Variants in TMEM178B observed in about 807,000 individuals in gnomAD.
TMEM178B encodes the protein transmembrane protein 178B.
Under a neutral mutation model 31.0 loss-of-function variants are expected in TMEM178B, and 5 were observed. The observed-to-expected ratio is 0.16, with a 90% confidence interval of 0.08 to 0.34. TMEM178B has a LOEUF of 0.34. Ranked by LOEUF, TMEM178B falls within the 10% of genes least tolerant of loss-of-function variation. TMEM178B has a pLI of 1.00. For missense variants in TMEM178B, 275 were observed against 400.3 expected (o/e 0.69, Z 2.67); for synonymous variants, 164 against 164.0 (o/e 1.00, Z 0.00).
intron 1 of TMEM178B, among the ~76,000 whole-genome samples, chr7:141,097,793 CTTT>C (rs552569756): frequency 6.4e-5 from 8 of 125,928 alleles, no homozygotes; most frequent in Non-Finnish European, 8.1e-5. Context: ...TTCTTTCTTT[CTTT>C]TTTTTTTTTT....
intron 1 of TMEM178B, among the ~76,000 whole-genome samples, chr7:141,112,517 G>A (rs370611962): frequency 9.2e-5 from 14 of 152,326 alleles, no homozygotes; most frequent in African/African-American, 3.4e-4. Context: ...GCTTCCCAAA[G>A]TTCTGAGATA....
At chr7:141,136,934 C>T (rs1044294014) in intron 1 of TMEM178B, among the ~76,000 whole-genome samples, 1 of 152,088 alleles carries the variant, frequency 6.6e-6, no homozygotes, top group African/African-American at 2.4e-5. Flanking sequence ...AATAAATGGT[C>T]AACAGGTATA....
In TMEM178B at chr7:141,212,479, A is replaced by G. The variant is rs116277142; in HGVS notation, c.383-112A>G. 3,103 of 810,226 alleles carry G rather than the reference A, an allele frequency of 3.8e-3. 66 individuals are homozygous for G. The African/African-American group carries it at 0.047, about 12-fold the overall frequency. The allele number at this position is 810,226 out of a possible 1,614,324, so 50.2% of individuals were successfully genotyped here. A position where few individuals can be genotyped will look rare whatever the true frequency, so the allele number is the denominator to read the frequency against. On this transcript the variant is annotated intron_variant, in intron 1 of 3. Transcript: ENST00000565468. ...GTATTGTCTTTCTGTAGTTGTCACCAGGCCCAATATGAAAGAAGTCTTCTT... is the reference window on the plus strand; with the variant it reads ...GTATTGTCTTTCTGTAGTTGTCACCGGGCCCAATATGAAAGAAGTCTTCTT...
At chr7:141,431,473 G>A (rs77057096) in intron 2 of TMEM178B, among the ~76,000 whole-genome samples, 12,709 of 152,002 alleles carry the variant, frequency 0.084, 799 homozygotes, top group East Asian at 0.15. Flanking sequence ...ACCTCCCTCT[G>A]CCCACTCCTT....
rs574399381 is a variant in TMEM178B, at chr7:141,278,090, A to C, written c.496+65386A>C. Reference sequence around the variant, plus strand: ...TTAAAATACCAATGAAGAAATTCAGAATTGGGAATATCTAAGAATTTTAGA... The same window carrying C: ...TTAAAATACCAATGAAGAAATTCAGCATTGGGAATATCTAAGAATTTTAGA... On this transcript the variant is annotated intron_variant, in intron 2 of 3. Transcript: ENST00000565468. Among the ~76,000 whole-genome samples, 15 of 152,346 alleles carry C rather than the reference A, an allele frequency of 9.8e-5. No homozygotes were observed. In the South Asian group the frequency reaches 2.9e-3, roughly 29 times the overall value.
chr7:141,317,557 G>C (rs1799028250), intron 2 of TMEM178B, among the ~76,000 whole-genome samples: 1 of 152,138 alleles, frequency 6.6e-6, no homozygotes, highest in African/African-American at 2.4e-5. Flanking sequence ...GACACTAGGA[G>C]GACTTTTAAG....
chr7:141,302,208 G>A (rs1306172160), intron 2 of TMEM178B, among the ~76,000 whole-genome samples: 1 of 152,144 alleles, frequency 6.6e-6, no homozygotes, highest in African/African-American at 2.4e-5. Flanking sequence ...TCAGATGAAC[G>A]GATAAAACAA....
intron 2 of TMEM178B, among the ~76,000 whole-genome samples, chr7:141,375,318 ATCATTTCAGGG>A (rs1450224156): frequency 6.6e-6 from 1 of 152,218 alleles, no homozygotes; most frequent in Non-Finnish European, 1.5e-5. Flanking sequence ...TACTGTCCCC[ATCATTTCAGGG>A]TCATTGTGAT....
Position 141,226,034 on chromosome 7 carries a change from C to T in TMEM178B, c.496+13330C>T, listed in dbSNP as rs575223619. On this transcript the variant is annotated intron_variant, in intron 2 of 3. Coordinates refer to ENST00000565468, the MANE Select transcript of TMEM178B (RefSeq NM_001195278.2). ...GTGTGGTGTGTGTCAGCTTCCGAAA[C>T]CACGAGGCTGCTAAACATGGGTGTG... is the stretch of plus-strand genomic sequence containing the variant. Among the ~76,000 whole-genome samples the T allele has an allele frequency of 2.0e-5, 3 of 152,262 alleles. No individual in the cohort carries two copies. In the East Asian group the frequency reaches 5.8e-4, roughly 29 times the overall value.
chr7:141,167,638 A>G (rs1038352053), intron 1 of TMEM178B, among the ~76,000 whole-genome samples: 1 of 152,154 alleles, frequency 6.6e-6, no homozygotes, highest in Non-Finnish European at 1.5e-5. Flanking sequence ...GCTTCCCTTC[A>G]ATCCCTTAAA....
intron 2 of TMEM178B, among the ~76,000 whole-genome samples, chr7:141,427,461 A>G (rs576053625): frequency 1.3e-5 from 2 of 152,346 alleles, no homozygotes; most frequent in East Asian, 1.9e-4. Context: ...GGGAAATGAC[A>G]GTCTCTTCAG....
chr7:141,284,110 G>A (rs1243255596), intron 2 of TMEM178B, among the ~76,000 whole-genome samples: 2 of 152,174 alleles, frequency 1.3e-5, no homozygotes, highest in African/African-American at 4.8e-5. Flanking sequence ...GATCCTCACA[G>A]CAAATGAACA....
intron 2 of TMEM178B, among the ~76,000 whole-genome samples, chr7:141,247,243 T>C (rs1459064832): frequency 6.6e-6 from 1 of 152,010 alleles, no homozygotes; most frequent in East Asian, 1.9e-4. Flanking sequence ...CAAATCAAGA[T>C]ATATGGCTAT....
chr7:141,416,220 G>A (rs1347239849), intron 2 of TMEM178B: 6 of 152,772 alleles, frequency 3.9e-5, no homozygotes, highest in Admixed American at 3.3e-4. Context: ...CAGTGAGTCC[G>A]TCCTATTCAT....
At chr7:141,227,764 G>A (rs1003402824) in intron 2 of TMEM178B, among the ~76,000 whole-genome samples, 1 of 152,198 alleles carries the variant, frequency 6.6e-6, no homozygotes, top group Admixed American at 6.5e-5. Flanking sequence ...TGCTAAGGTG[G>A]TAGTTGCCCT....
chr7:141,131,902 A>G (rs1795601469), intron 1 of TMEM178B, among the ~76,000 whole-genome samples: 1 of 152,198 alleles, frequency 6.6e-6, no homozygotes, highest in African/African-American at 2.4e-5. Context: ...TTATACACCC[A>G]CCAACAATAT....
At chr7:141,259,267 A>G (rs1797977020) in intron 2 of TMEM178B, among the ~76,000 whole-genome samples, 1 of 152,132 alleles carries the variant, frequency 6.6e-6, no homozygotes, top group East Asian at 1.9e-4. Context: ...ATTTGTTGTT[A>G]TATCTTTTAA....
At position 141,284,469 on chromosome 7, in the gene TMEM178B, A is replaced by T. The variant is rs138415877; in HGVS notation, c.496+71765A>T. ...TTTTTCTCTTCAAGGCTTTGAAAAC[A>T]TTGACATTGTCTCCTCCTAACATTT... On this transcript the variant is annotated intron_variant, in intron 2 of 3. Transcript: ENST00000565468. Among the ~76,000 whole-genome samples the T allele has an allele frequency of 2.4e-3, 373 of 152,340 alleles. 6 individuals are homozygous for T. In the East Asian group the frequency reaches 0.052, roughly 21 times the overall value.
At position 141,323,501 on chromosome 7, in the gene TMEM178B, A is replaced by T. The variant is rs925666031; in HGVS notation, c.496+110797A>T. Among the ~76,000 whole-genome samples, 66 of 152,234 alleles carry T rather than the reference A, an allele frequency of 4.3e-4. 1 individual carries two copies. Among genetic ancestry groups the T allele is most frequent in the Non-Finnish European group, 9.1e-4 (62 of 68,050 alleles). On this transcript the variant is annotated intron_variant, in intron 2 of 3. Transcript: ENST00000565468. ...TCTACATCATTATTTTAAGGGCTGC[A>T]TAGCGTATCACTTTATGGCTGTATT...
Sources: gnomAD v4.1 joint callset for allele counts (sites outside exome capture counted in the v4.1 genomes callset) on GRCh38, gnomAD v4.1.1 for gene constraint, MANE v1.5 for transcripts, NCBI Gene and HGNC (gene_info 2026-07-23, HGNC 2026-07-21) for gene names.